The following AGPS variants were observed in gnomAD, a reference collection of about 807,000 sequenced individuals.
AGPS encodes the protein alkyldihydroxyacetonephosphate synthase, peroxisomal.
In AGPS, 26 loss-of-function variants were observed where a neutral mutation model predicts 90.7. The ratio of observed to expected loss-of-function variants is 0.29; its 90% confidence interval spans 0.21 to 0.40. AGPS has a LOEUF of 0.40. Among genes scored for constraint, AGPS ranks in the 10% least tolerant of loss-of-function variants. The pLI is 1.00. For missense variants in AGPS, 540 were observed against 816.1 expected, an observed-to-expected ratio of 0.66 and a Z score of 4.12; for synonymous variants, 294 against 285.3, an observed-to-expected ratio of 1.03 and a Z score of -0.31.
In AGPS at chr2:177,513,925, G is replaced by A; in HGVS notation, c.1697+17G>A. ...TACATGCAGGTAAGTTTTAAAAATT[G>A]TTCTTATACTTCTTATTCTGAAAAA... On this transcript the variant is annotated intron_variant, in intron 17 of 19. Coordinates refer to ENST00000264167, the MANE Select transcript of AGPS (RefSeq NM_003659.4). 1 of 1,564,944 alleles carries A rather than the reference G, an allele frequency of 6.4e-7. No individual in the cohort carries two copies. The highest frequency in any genetic ancestry group is 1.1e-5 in the South Asian group (1 of 89,990).
chr2:177,429,333 G>A (rs1160666982), intron 2 of AGPS, among the ~76,000 whole-genome samples: 1 of 152,154 alleles, frequency 6.6e-6, no homozygotes, highest in Non-Finnish European at 1.5e-5. Context: ...CTCAGCCTTA[G>A]CCCAGTTCTC....
chr2:177,439,001 C>CACAT (rs1378759334), intron 5 of AGPS, among the ~76,000 whole-genome samples: 1 of 151,916 alleles, frequency 6.6e-6, no homozygotes. Context: ...CACACACACA[C>CACAT]ACAACTGGAA....
rs528147010 is a variant in AGPS at position 177,405,108 on chromosome 2, T to G, written c.260+12059T>G. On this transcript the variant is annotated intron_variant, in intron 1 of 19. Coordinates refer to ENST00000264167, the MANE Select transcript of AGPS (RefSeq NM_003659.4). ...TCAGGTTTCTTACTAGTATCACTTC[T>G]TGCTACTATTTGCTGCAGGCTTCTC... is the stretch of plus-strand genomic sequence containing the variant. Among the ~76,000 whole-genome samples the G allele has an allele frequency of 9.2e-5, 14 of 152,346 alleles. No individual in the cohort carries two copies. In the East Asian group the frequency reaches 2.7e-3, roughly 29 times the overall value.
At chr2:177,433,669 G>T (rs992524318) in intron 2 of AGPS, among the ~76,000 whole-genome samples, 2 of 152,168 alleles carry the variant, frequency 1.3e-5, no homozygotes, top group African/African-American at 4.8e-5. Flanking sequence ...TTCCTCTGAA[G>T]AGACCTTTAA....
At chr2:177,477,772 G>T (rs1687826883) in intron 10 of AGPS, among the ~76,000 whole-genome samples, 1 of 152,128 alleles carries the variant, frequency 6.6e-6, no homozygotes, top group African/African-American at 2.4e-5. Flanking sequence ...GCCCAATAGA[G>T]CTTTACTTTC....
At position 177,503,825 on chromosome 2, in the gene AGPS, A is replaced by G. The variant is rs560765109; in HGVS notation, c.1476-1681A>G. ...CTTTGGGCTTATGAATTTAGAAAGGACATCCAATTTCTTCCTGCTTTGAAT... is the reference window on the plus strand; with the variant it reads ...CTTTGGGCTTATGAATTTAGAAAGGGCATCCAATTTCTTCCTGCTTTGAAT... On this transcript the variant is annotated intron_variant, in intron 14 of 19. Coordinates refer to ENST00000264167, the MANE Select transcript of AGPS (RefSeq NM_003659.4). Among the ~76,000 whole-genome samples, 98 of 152,182 alleles carry G rather than the reference A, an allele frequency of 6.4e-4. No homozygotes were observed. In the South Asian group the frequency reaches 9.2e-3, roughly 14 times the overall value.
rs752196210 is a variant in AGPS at position 177,538,226 on chromosome 2, A to AT, written c.*41dup. 1,639 of 1,529,144 alleles carry AT rather than the reference A, an allele frequency of 1.1e-3. No homozygotes were observed. The highest frequency in any genetic ancestry group is 1.3e-3 in the Non-Finnish European group (1,411 of 1,115,072). 94.7% of individuals were successfully genotyped at this position (1,529,144 alleles called of 1,614,324 possible). On this transcript the variant is annotated 3_prime_UTR_variant, in exon 20 of 20. Transcript: ENST00000264167. Reference sequence around the variant, plus strand: ...TTAGTACCATTACAAAAAAATGTCAATTTTTTTTTTAAGTTTTCAACTGTG... The same window carrying AT: ...TTAGTACCATTACAAAAAAATGTCAATTTTTTTTTTTAAGTTTTCAACTGTG...
At chr2:177,505,682 T>C in intron 15 of AGPS, 107 bp downstream of exon 15, 1 of 991,810 alleles carries the variant, frequency 1.0e-6, no homozygotes, top group Non-Finnish European at 1.6e-6. Flanking sequence ...AATTTTAAGC[T>C]ACTGTAATTT....
intron 2 of AGPS, among the ~76,000 whole-genome samples, chr2:177,430,653 T>G (rs774575703): frequency 3.3e-5 from 5 of 152,036 alleles, no homozygotes; most frequent in Non-Finnish European, 5.9e-5. Context: ...CACCCTCCTT[T>G]TCTTTGTTCT....
At chr2:177,523,683 C>G in intron 18 of AGPS, 65 bp from the exon 19 acceptor site, 1 of 1,430,560 alleles carries the variant, frequency 7.0e-7, no homozygotes, top group South Asian at 1.1e-5. Flanking sequence ...GGAGTTGGGT[C>G]TTTTTCTTTC....
chr2:177,521,491 C>A, intron 18 of AGPS, 123 bp downstream of exon 18: 2 of 835,148 alleles, frequency 2.4e-6, no homozygotes, highest in Non-Finnish European at 4.0e-6. Flanking sequence ...AGCTGTTAGC[C>A]CTTAGAAATG....
At chr2:177,442,636 C>A in intron 7 of AGPS, 150 bp downstream of exon 7, 1 of 644,052 alleles carries the variant, frequency 1.6e-6, no homozygotes, top group Non-Finnish European at 2.7e-6. Flanking sequence ...CACTTGAGGT[C>A]GGGAGTTCGA....
At chr2:177,451,298 A>AT in intron 8 of AGPS, among the ~76,000 whole-genome samples, 1 of 152,022 alleles carries the variant, frequency 6.6e-6, no homozygotes, top group Admixed American at 6.6e-5. Context: ...AGTAGTACAT[A>AT]TTTTTTGGTG....
intron 16 of AGPS, among the ~76,000 whole-genome samples, chr2:177,512,489 G>A (rs1317568876): frequency 6.6e-6 from 1 of 152,112 alleles, no homozygotes; most frequent in Admixed American, 6.5e-5. Context: ...TATACTGTTT[G>A]TTCTTATTGA....
chr2:177,523,678 TG>T (rs1174015365), intron 18 of AGPS, 69 bp from the exon 19 acceptor site: 1 of 1,292,390 alleles, frequency 7.7e-7, no homozygotes, highest in Non-Finnish European at 1.1e-6. Context: ...CTTTGGGAGT[TG>T]GGTCTTTTTC....
chr2:177,454,002 TA>T (rs1371599105), intron 8 of AGPS, among the ~76,000 whole-genome samples: 1 of 143,602 alleles, frequency 7.0e-6, no homozygotes, highest in Non-Finnish European at 1.5e-5. Flanking sequence ...TGGCTACTTT[TA>T]AGATTTTCTT....
rs1241148088 is a variant in AGPS at position 177,491,772 on chromosome 2, CCT to C, written c.1234-1375_1234-1374del. On this transcript the variant is annotated intron_variant, in intron 11 of 19. Coordinates refer to ENST00000264167, the MANE Select transcript of AGPS (RefSeq NM_003659.4). ...AATATACTTTCCTTCCCCCCCCCCC[CCT>C]TTTTTTTCATTTTGTTTTGTTTTGT... is the stretch of plus-strand genomic sequence containing the variant. 1.6e-3 allele frequency among the ~76,000 whole-genome samples: 178 copies of C among 111,296 alleles called. 6 individuals are homozygous for C. Among genetic ancestry groups the C allele is most frequent in the African/African-American group, 6.3e-3 (170 of 26,976 alleles). The allele number at this position is 111,296 out of a possible 152,430, so 73.0% of individuals were successfully genotyped here.
chr2:177,472,084 G>GT lies in AGPS; in HGVS notation c.1105+3569dup, dbSNP rs142979196. 4.3e-3 allele frequency among the ~76,000 whole-genome samples: 648 copies of GT among 149,402 alleles called. 8 individuals carry two copies. Among genetic ancestry groups the GT allele is most frequent in the African/African-American group, 0.015 (617 of 40,828 alleles). ...TCAGGTCTCCTTTTATTTCTGTGAA[G>GT]TTTTTTTTTGGATAGTAGTGTTAAA... On this transcript the variant is annotated intron_variant, in intron 10 of 19. Transcript: ENST00000264167.
rs193197096 is a variant in AGPS, at chr2:177,485,456, C to T, written c.1233+3270C>T. On this transcript the variant is annotated intron_variant, in intron 11 of 19. Transcript: ENST00000264167. The stretch of plus-strand genomic sequence containing the variant: ...ATCTGATACAGTTTTTATTACAATT[C>T]GATATGCCCCTGATAGAAAGTGACA... Among the ~76,000 whole-genome samples, 44 of 152,126 alleles carry T rather than the reference C, an allele frequency of 2.9e-4. 1 individual carries two copies. In the East Asian group the frequency reaches 4.4e-3, roughly 15 times the overall value.
Sources: allele counts gnomAD v4.1 joint callset (sites outside exome capture counted in the v4.1 genomes callset), GRCh38; gene constraint gnomAD v4.1.1; transcripts MANE v1.5; gene names NCBI Gene and HGNC (gene_info 2026-07-23, HGNC 2026-07-21).